The following PTPRK variants were observed in gnomAD, a reference collection of about 807,000 sequenced individuals.
PTPRK encodes the protein protein tyrosine phosphatase receptor type K.
A neutral mutation model predicts 178.0 loss-of-function variants in PTPRK; 75 were observed. That is an observed-to-expected ratio of 0.42 (90% confidence interval 0.35 to 0.51). The LOEUF is 0.51. Among genes scored for constraint, PTPRK ranks in the 20% least tolerant of loss-of-function variants. PTPRK has a pLI of 0.02. For missense variants in PTPRK, 1,441 were observed against 1,797.8 expected (o/e 0.80, Z 3.59); for synonymous variants, 637 against 620.6 (o/e 1.03, Z -0.39).
At chr6:128,430,993 C>T (rs1844772894) in intron 1 of PTPRK, among the ~76,000 whole-genome samples, 1 of 148,434 alleles carries the variant, frequency 6.7e-6, no homozygotes, top group South Asian at 2.1e-4. Context: ...GGCTGGAGTG[C>T]AATGGTGTGA....
chr6:128,174,012 T>C (rs1800684331), intron 7 of PTPRK, among the ~76,000 whole-genome samples: 1 of 151,984 alleles, frequency 6.6e-6, no homozygotes, highest in African/African-American at 2.4e-5. Flanking sequence ...AATAAAAAGA[T>C]GTAAAGGTAG....
chr6:128,136,870 A>G (rs1487503440), intron 7 of PTPRK, among the ~76,000 whole-genome samples: 1 of 152,150 alleles, frequency 6.6e-6, no homozygotes, highest in East Asian at 1.9e-4. Flanking sequence ...TAGTCCACGT[A>G]CATGGTTTCT....
rs756148554 is a variant in PTPRK at position 128,354,231 on chromosome 6, GTTT to G, written c.224-31924_224-31922del. Among the ~76,000 whole-genome samples, 117 of 49,358 alleles carry G rather than the reference GTTT, an allele frequency of 2.4e-3. 1 individual carries two copies. The highest frequency in any genetic ancestry group is 4.9e-3 in the African/African-American group (52 of 10,632). 32.4% of individuals were successfully genotyped at this position (49,358 alleles called of 152,430 possible). Reference sequence around the variant, plus strand: ...ACATGTATTTTGGTTTTTTGTTTATGTTTTTTTTTTTTTTTTTTTTTTTTGAGA... The same window carrying G: ...ACATGTATTTTGGTTTTTTGTTTATGTTTTTTTTTTTTTTTTTTTTTGAGA... On this transcript the variant is annotated intron_variant, in intron 2 of 29. Transcript: ENST00000368226.
intron 1 of PTPRK, among the ~76,000 whole-genome samples, chr6:128,499,217 T>C (rs528025941): frequency 1.3e-5 from 2 of 151,804 alleles, no homozygotes; most frequent in African/African-American, 2.4e-5. Flanking sequence ...AACAAAAGAC[T>C]GTGTAAAAAG....
At chr6:128,220,061 T>C (rs557486916) in intron 5 of PTPRK, among the ~76,000 whole-genome samples, 7 of 152,174 alleles carry the variant, frequency 4.6e-5, no homozygotes, top group Non-Finnish European at 8.8e-5. Flanking sequence ...GATATCAGCA[T>C]ATCCCAGACA....
intron 1 of PTPRK, among the ~76,000 whole-genome samples, chr6:128,441,390 TAAGC>T (rs980021983): frequency 6.6e-6 from 1 of 151,924 alleles, no homozygotes; most frequent in Non-Finnish European, 1.5e-5. Context: ...TGGGCAAAAG[TAAGC>T]AACAAAGAGA....
chr6:127,977,182 G>T, intron 25 of PTPRK, 128 bp from the exon 26 acceptor site: 2 of 882,252 alleles, frequency 2.3e-6, no homozygotes, highest in Non-Finnish European at 3.5e-6. Context: ...GAAGGAGCCA[G>T]AGTGATGATT....
chr6:128,008,599 T>C (rs1006314667), intron 14 of PTPRK, among the ~76,000 whole-genome samples: 2 of 151,148 alleles, frequency 1.3e-5, no homozygotes, highest in Admixed American at 1.3e-4. Context: ...TTAGTTGATA[T>C]AGTATAAAAA....
intron 1 of PTPRK, among the ~76,000 whole-genome samples, chr6:128,428,764 A>G (rs1844479969): frequency 6.6e-6 from 1 of 152,190 alleles, no homozygotes; most frequent in Non-Finnish European, 1.5e-5. Context: ...TCTACTTAAC[A>G]ATGGTGCAAA....
chr6:127,982,688 T>A (rs545613137), intron 24 of PTPRK, 143 bp downstream of exon 24: 206 of 606,414 alleles, frequency 3.4e-4, no homozygotes, highest in Non-Finnish European at 4.7e-4. Context: ...CTATATAATA[T>A]GTATAATGAA....
intron 5 of PTPRK, chr6:128,237,921 C>A: frequency 2.6e-6 from 1 of 381,324 alleles, no homozygotes. Flanking sequence ...TCAATCTTAT[C>A]TGGTTCATTT....
intron 3 of PTPRK, among the ~76,000 whole-genome samples, chr6:128,307,160 A>AAT (rs397888214): frequency 5.4e-4 from 77 of 142,348 alleles, no homozygotes; most frequent in South Asian, 1.3e-3. Context: ...AAGAAAAAAA[A>AAT]ATATATATAT....
At chr6:128,360,032 A>G (rs1003827154) in intron 2 of PTPRK, among the ~76,000 whole-genome samples, 1 of 152,172 alleles carries the variant, frequency 6.6e-6, no homozygotes, top group African/African-American at 2.4e-5. Context: ...ATCTATTTCA[A>G]AATAAAAACT....
chr6:128,107,348 ATTGT>A (rs1789892730), intron 7 of PTPRK, among the ~76,000 whole-genome samples: 2 of 152,210 alleles, frequency 1.3e-5, no homozygotes. Flanking sequence ...TTGAGAACAC[ATTGT>A]TTGTATACAT....
At chr6:128,391,937 A>G (rs1839639975) in intron 2 of PTPRK, among the ~76,000 whole-genome samples, 1 of 152,142 alleles carries the variant, frequency 6.6e-6, no homozygotes, top group African/African-American at 2.4e-5. Flanking sequence ...CCCATGTCTT[A>G]TTTAATTTTC....
intron 2 of PTPRK, among the ~76,000 whole-genome samples, chr6:128,338,468 T>C (rs1190953115): frequency 6.6e-6 from 1 of 151,996 alleles, no homozygotes; most frequent in Non-Finnish European, 1.5e-5. Flanking sequence ...AAAAGATGAG[T>C]TCAAGTTCTT....
At chr6:128,270,930 G>A (rs964360107) in intron 3 of PTPRK, among the ~76,000 whole-genome samples, 1 of 152,006 alleles carries the variant, frequency 6.6e-6, no homozygotes, top group East Asian at 1.9e-4. Context: ...GGAGAGGGCA[G>A]AACTGGATAG....
chr6:128,067,846 T>C (rs1782091013), intron 11 of PTPRK, 54 bp from the exon 12 acceptor site: 6 of 1,415,512 alleles, frequency 4.2e-6, no homozygotes, highest in Non-Finnish European at 3.7e-6. Flanking sequence ...TATTTAGAGA[T>C]TTAAGATACT....
chr6:128,365,465 C>T (rs1287661940), intron 2 of PTPRK, among the ~76,000 whole-genome samples: 1 of 151,908 alleles, frequency 6.6e-6, no homozygotes, highest in African/African-American at 2.4e-5. Flanking sequence ...AAAATACTTC[C>T]AGAGAATAAA....
Sources: allele counts gnomAD v4.1 joint callset (sites outside exome capture counted in the v4.1 genomes callset), GRCh38; gene constraint gnomAD v4.1.1; transcripts MANE v1.5; gene names NCBI Gene and HGNC (gene_info 2026-07-23, HGNC 2026-07-21).